DYNC1LI2: variants seen among roughly 807,000 people sequenced by gnomAD.
DYNC1LI2 encodes the protein dynein cytoplasmic 1 light intermediate chain 2, also known as cytoplasmic dynein 1 light intermediate chain 2.
DYNC1LI2 carries 19 observed loss-of-function variants against 57.8 expected under a neutral mutation model. The observed-to-expected ratio is 0.33, with a 90% CI of 0.23 to 0.48. The LOEUF (loss-of-function observed/expected upper bound fraction) is 0.48, where lower values mean the gene tolerates loss of function less well. Ranked by LOEUF, DYNC1LI2 falls within the 20% of genes least tolerant of loss-of-function variation. The probability of loss-of-function intolerance (pLI) is 0.99; values close to 1 mark genes in which losing one functional copy is unlikely to be tolerated. For synonymous variants in DYNC1LI2, 256 were observed against 233.4 expected, an observed-to-expected ratio of 1.10 and a Z score of -0.88; for missense variants, 470 against 604.2, an observed-to-expected ratio of 0.78 and a Z score of 2.33.
At chr16:66,734,038 A>G in intron 6 of DYNC1LI2, 180 bp downstream of exon 6, 1 of 567,678 alleles carries the variant, frequency 1.8e-6, no homozygotes, top group Non-Finnish European at 3.1e-6. Context: ...GATCAAAGGT[A>G]GACACAAGTT....
chr16:66,751,414 C>T lies in DYNC1LI2; in HGVS notation c.108-68G>A. On this transcript the variant is annotated intron_variant, in intron 1 of 12. Coordinates refer to ENST00000258198, the MANE Select transcript of DYNC1LI2 (RefSeq NM_006141.3). The surrounding 1 kb of genome is among the most constrained non-coding windows in gnomAD (Gnocchi z 5.2). Reference sequence around the variant, plus strand: ...GGGATGGCCCGGCTCGCGTCGGCCCCTCAGTGTGTCCGACGGTCCGGCCCA... The same window carrying T: ...GGGATGGCCCGGCTCGCGTCGGCCCTTCAGTGTGTCCGACGGTCCGGCCCA... The T allele has an allele frequency of 6.3e-7, 1 of 1,594,170 alleles. No homozygotes were observed. The highest frequency in any genetic ancestry group is 8.5e-7 in the Non-Finnish European group (1 of 1,172,160).
In DYNC1LI2 at chr16:66,732,458, A is replaced by G. The variant is rs1317993829; in HGVS notation, c.810T>C (p.Ile270=). ...RFCLQYGAAL[I]YTSVKEEKNL... ...TTTTCTCTTCTTTCACTGATGTGTA[A>G]ATCAAGGCAGCTCCATCTAATCAAT... Residue 270 remains isoleucine (I), a synonymous_variant, in exon 7 of 13, where the codon ATT becomes ATC. Coordinates refer to ENST00000258198, the MANE Select transcript of DYNC1LI2 (RefSeq NM_006141.3). The G allele has an allele frequency of 6.2e-7, 1 of 1,612,328 alleles. No individual in the cohort carries two copies.
At chr16:66,725,796 A>G in intron 12 of DYNC1LI2, 32 bp downstream of exon 12, 1 of 1,603,190 alleles carries the variant, frequency 6.2e-7, no homozygotes, top group Non-Finnish European at 8.5e-7. Flanking sequence ...ACTCAACCAC[A>G]AGAGTCACAA....
intron 2 of DYNC1LI2, among the ~76,000 whole-genome samples, chr16:66,750,479 T>C (rs1412677912): frequency 8.5e-5 from 13 of 152,170 alleles, no homozygotes; most frequent in Admixed American, 7.9e-4. Context: ...CACACCCTCT[T>C]GTCATCTGTG....
intron 11 of DYNC1LI2, 42 bp downstream of exon 11, chr16:66,727,646 T>C (rs1381325186): frequency 3.1e-6 from 5 of 1,604,892 alleles, no homozygotes; most frequent in Non-Finnish European, 3.4e-6. Flanking sequence ...GGTCTAAAAC[T>C]AAACTACTCT....
intron 12 of DYNC1LI2, 30 bp from the exon 13 acceptor site, chr16:66,723,852 GTAA>G (rs1567446438): frequency 6.4e-7 from 1 of 1,554,272 alleles, no homozygotes; most frequent in East Asian, 2.3e-5. Context: ...AAAAAGCAAA[GTAA>G]TGATGTGAGA....
chr16:66,741,825 T>A (rs2017842611), intron 4 of DYNC1LI2, among the ~76,000 whole-genome samples: 1 of 151,068 alleles, frequency 6.6e-6, no homozygotes, highest in Admixed American at 6.6e-5. Context: ...AAACTTCCTT[T>A]AATTTGAAAG....
intron 3 of DYNC1LI2, among the ~76,000 whole-genome samples, chr16:66,748,437 T>A (rs532953950): frequency 6.6e-6 from 1 of 152,278 alleles, no homozygotes; most frequent in South Asian, 2.1e-4. Flanking sequence ...AGAGTGTTTA[T>A]CATGTGCTTT....
intron 9 of DYNC1LI2, among the ~76,000 whole-genome samples, chr16:66,728,756 G>A (rs181639837): frequency 6.6e-6 from 1 of 152,296 alleles, no homozygotes; most frequent in Non-Finnish European, 1.5e-5. Flanking sequence ...AACATAGGAA[G>A]TATTATGCCA....
At chr16:66,748,440 T>C (rs1321254344) in intron 3 of DYNC1LI2, among the ~76,000 whole-genome samples, 1 of 152,186 alleles carries the variant, frequency 6.6e-6, no homozygotes, top group East Asian at 1.9e-4. Context: ...GTGTTTATCA[T>C]GTGCTTTCAA....
intron 3 of DYNC1LI2, among the ~76,000 whole-genome samples, chr16:66,743,225 G>C (rs1176991493): frequency 6.6e-6 from 1 of 151,708 alleles, no homozygotes; most frequent in Non-Finnish European, 1.5e-5. Context: ...AATATAGGAG[G>C]TGTTCACACC....
chr16:66,745,252 T>C (rs1403905599), intron 3 of DYNC1LI2, among the ~76,000 whole-genome samples: 1 of 151,878 alleles, frequency 6.6e-6, no homozygotes, highest in Non-Finnish European at 1.5e-5. Flanking sequence ...AAATATTTTA[T>C]TAACTATTAA....
intron 3 of DYNC1LI2, among the ~76,000 whole-genome samples, chr16:66,748,168 C>T (rs1173570349): frequency 6.7e-6 from 1 of 148,690 alleles, no homozygotes; most frequent in Non-Finnish European, 1.5e-5. Context: ...GTCCCAGCTG[C>T]TTAGGAGGAT....
intron 12 of DYNC1LI2, among the ~76,000 whole-genome samples, chr16:66,725,558 T>G (rs1412911378): frequency 1.3e-5 from 2 of 152,136 alleles, no homozygotes; most frequent in Non-Finnish European, 2.9e-5. Flanking sequence ...GGGCCACATA[T>G]GTAATTTAGG....
intron 2 of DYNC1LI2, among the ~76,000 whole-genome samples, chr16:66,750,630 G>A (rs943784709): frequency 2.6e-5 from 4 of 152,226 alleles, no homozygotes; most frequent in African/African-American, 4.8e-5. Flanking sequence ...ACCAGACTGA[G>A]ATTCTTCTAT....
At chr16:66,738,487 T>G (rs2017778118) in intron 4 of DYNC1LI2, among the ~76,000 whole-genome samples, 2 of 151,824 alleles carry the variant, frequency 1.3e-5, no homozygotes, top group Admixed American at 6.6e-5. Context: ...CCTGACCTTG[T>G]GATCCACCCA....
chr16:66,733,150 A>G (rs1160605673), intron 6 of DYNC1LI2: 1 of 152,246 alleles, frequency 6.6e-6, no homozygotes, highest in Non-Finnish European at 1.5e-5. Flanking sequence ...TTGGTAATTG[A>G]CCTTTTCTAC....
Position 66,732,345 on chromosome 16 carries a change from A to G in DYNC1LI2, c.923T>C (p.Val308Ala), listed in dbSNP as rs1006732534. 1 of 1,612,466 alleles carries G rather than the reference A, an allele frequency of 6.2e-7. No individual in the cohort carries two copies. The highest frequency in any genetic ancestry group is 2.2e-5 in the East Asian group (1 of 44,860). The change falls in exon 7 of 13, where the codon GTT (valine) becomes GCT (alanine). Residue 308 changes from valine to alanine, a missense_variant. Physicochemically the swap from Val to Ala is moderately conservative, Grantham distance 64 (BLOSUM62 0). Coordinates refer to ENST00000258198, the MANE Select transcript of DYNC1LI2 (RefSeq NM_006141.3). ...TCAGCTCAAAATAACTCACATAAAAACGGCATCCTTTTCCACAACTAAGGC... is the reference window on the plus strand; with the variant it reads ...TCAGCTCAAAATAACTCACATAAAAGCGGCATCCTTTTCCACAACTAAGGC... ...TPALVVEKDA[V>A]FIPAGWDNEK... is the part of the protein sequence containing the mutation.
At chr16:66,725,620 A>G (rs2144965954) in intron 12 of DYNC1LI2, among the ~76,000 whole-genome samples, 1 of 152,300 alleles carries the variant, frequency 6.6e-6, no homozygotes, top group Non-Finnish European at 1.5e-5. Flanking sequence ...AATGTACACA[A>G]ATCCCACTCT....
Sources: allele counts gnomAD v4.1 joint callset (sites outside exome capture counted in the v4.1 genomes callset), GRCh38; gene constraint gnomAD v4.1.1; non-coding constraint Gnocchi (gnomAD v3.1); transcripts MANE v1.5; gene names NCBI Gene and HGNC (gene_info 2026-07-23, HGNC 2026-07-21).